ACTR3B: variants seen among roughly 807,000 people sequenced by gnomAD.
The protein encoded by ACTR3B is actin-related protein 3B.
In ACTR3B, 8 loss-of-function variants were observed where a neutral mutation model predicts 59.0. The observed-to-expected ratio is 0.14, with a 90% CI of 0.08 to 0.24. The LOEUF (loss-of-function observed/expected upper bound fraction) is 0.24, where lower values mean the gene tolerates loss of function less well. Ranked by LOEUF, ACTR3B falls within the 10% of genes least tolerant of loss-of-function variation. The pLI, the probability that ACTR3B is intolerant of heterozygous loss-of-function variation, is 1.00. For synonymous variants in ACTR3B, 148 were observed against 197.9 expected (o/e 0.75, Z 2.12); for missense variants, 245 against 552.3 (o/e 0.44, Z 5.58).
At chr7:152,848,697 GCTTTTAAGT>G (rs1798559293) in intron 9 of ACTR3B, among the ~76,000 whole-genome samples, 1 of 152,142 alleles carries the variant, frequency 6.6e-6, no homozygotes, top group Non-Finnish European at 1.5e-5. Context: ...ATACCAACAT[GCTTTTAAGT>G]TATGATTCTT....
At chr7:152,782,540 C>G (rs1006179995) in intron 1 of ACTR3B, among the ~76,000 whole-genome samples, 1 of 151,980 alleles carries the variant, frequency 6.6e-6, no homozygotes, top group Non-Finnish European at 1.5e-5. Context: ...AAAATGGGCT[C>G]CTTCTGAAAT....
At chr7:152,786,946 T>C (rs968307526) in intron 2 of ACTR3B, among the ~76,000 whole-genome samples, 1 of 152,238 alleles carries the variant, frequency 6.6e-6, no homozygotes, top group Non-Finnish European at 1.5e-5. Context: ...ACAGTTTTTT[T>C]CCTTTTGGGC....
At chr7:152,842,208 A>G (rs1214364763) in intron 9 of ACTR3B, among the ~76,000 whole-genome samples, 1 of 152,218 alleles carries the variant, frequency 6.6e-6, no homozygotes, top group Non-Finnish European at 1.5e-5. Flanking sequence ...TTTTTCCTGT[A>G]CATACATACT....
chr7:152,802,963 T>C (rs1056637980), intron 4 of ACTR3B, among the ~76,000 whole-genome samples: 1 of 152,240 alleles, frequency 6.6e-6, no homozygotes, highest in African/African-American at 2.4e-5. Flanking sequence ...CAGCTGAAAT[T>C]GCCAAGTATG....
chr7:152,837,181 AAAAC>A (rs751951232), intron 9 of ACTR3B, among the ~76,000 whole-genome samples: 8 of 152,366 alleles, frequency 5.3e-5, no homozygotes, highest in Non-Finnish European at 7.3e-5. Flanking sequence ...GTCTCAAAAA[AAAAC>A]AAACAAACCA....
intron 1 of ACTR3B, among the ~76,000 whole-genome samples, chr7:152,768,693 C>G (rs1425100901): frequency 1.3e-5 from 2 of 152,068 alleles, no homozygotes; most frequent in Admixed American, 6.6e-5. Context: ...CCAGGCTGGT[C>G]TCGAACCCCT....
chr7:152,761,978 C>T (rs2098090787), intron 1 of ACTR3B, among the ~76,000 whole-genome samples: 2 of 152,084 alleles, frequency 1.3e-5, no homozygotes, highest in African/African-American at 4.8e-5. Flanking sequence ...TTATGTAATT[C>T]CTGTCATCAG....
intron 4 of ACTR3B, among the ~76,000 whole-genome samples, chr7:152,809,634 C>T (rs186472307): frequency 0.012 from 1,789 of 151,982 alleles, 27 homozygotes; most frequent in African/African-American, 0.036. Flanking sequence ...CTCCGCCTCC[C>T]GGGTTCAAGC....
At position 152,764,858 on chromosome 7, in the gene ACTR3B, A is replaced by G. The variant is rs564260061; in HGVS notation, c.44+4932A>G. On this transcript the variant is annotated intron_variant, in intron 1 of 11. Coordinates refer to ENST00000256001, the MANE Select transcript of ACTR3B (RefSeq NM_020445.6). ...TCTTACAGACTCACCAATAGAGCCT[A>G]TTGCCAATTTGTAAAATTACCAACC... Among the ~76,000 whole-genome samples, 68 of 152,138 alleles carry G rather than the reference A, an allele frequency of 4.5e-4. 1 individual carries two copies. Among genetic ancestry groups the G allele is most frequent in the African/African-American group, 1.6e-3 (67 of 41,496 alleles).
chr7:152,810,742 A>C (rs1191598515), intron 4 of ACTR3B: 2 of 152,040 alleles, frequency 1.3e-5, no homozygotes, highest in Non-Finnish European at 2.9e-5. Context: ...TCTCTACTAA[A>C]AATACAAAAC....
chr7:152,803,209 T>A (rs529512774), intron 4 of ACTR3B, among the ~76,000 whole-genome samples: 161 of 152,284 alleles, frequency 1.1e-3, no homozygotes, highest in African/African-American at 3.7e-3. Context: ...CTAGCCTGGC[T>A]AATTTTTAAA....
intron 9 of ACTR3B, among the ~76,000 whole-genome samples, chr7:152,846,969 T>G (rs1191317645): frequency 6.8e-6 from 1 of 146,394 alleles, no homozygotes; most frequent in Admixed American, 6.8e-5. Context: ...GGCTGTAGTC[T>G]GCAGTGAGCC....
intron 2 of ACTR3B, among the ~76,000 whole-genome samples, chr7:152,794,244 AGTCTTGCTCTGTT>A (rs1318025368): frequency 6.6e-6 from 1 of 152,070 alleles, no homozygotes; most frequent in Non-Finnish European, 1.5e-5. Flanking sequence ...TTTTACACAG[AGTCTTGCTCTGTT>A]GCCAGGCTGG....
At chr7:152,808,116 G>T (rs1425044889) in intron 4 of ACTR3B, among the ~76,000 whole-genome samples, 3 of 151,984 alleles carry the variant, frequency 2.0e-5, no homozygotes, top group Admixed American at 2.0e-4. Flanking sequence ...TCATATAAAT[G>T]GAATCATATA....
intron 7 of ACTR3B, 63 bp from the exon 8 acceptor site, chr7:152,823,279 G>A (rs1796323116): frequency 6.3e-7 from 1 of 1,587,674 alleles, no homozygotes; most frequent in Non-Finnish European, 8.6e-7. Flanking sequence ...CTGGTTATTT[G>A]TCTGAGGGCA....
intron 1 of ACTR3B, among the ~76,000 whole-genome samples, chr7:152,768,924 G>T (rs200871491): frequency 2.6e-5 from 4 of 151,886 alleles, no homozygotes; most frequent in African/African-American, 9.7e-5. Context: ...CGTGATGTCG[G>T]CTCACTGCAA....
intron 9 of ACTR3B, among the ~76,000 whole-genome samples, chr7:152,837,175 CA>C (rs542897254): frequency 6.8e-6 from 1 of 146,460 alleles, no homozygotes; most frequent in Non-Finnish European, 1.5e-5. Context: ...GACCTTGTCT[CA>C]AAAAAAAACA....
chr7:152,766,785 T>G (rs1337392880), intron 1 of ACTR3B, among the ~76,000 whole-genome samples: 1 of 152,132 alleles, frequency 6.6e-6, no homozygotes, highest in Non-Finnish European at 1.5e-5. Context: ...TCTTTTCTTC[T>G]TTTTCTTTTC....
In ACTR3B at chr7:152,852,328, G is replaced by A. The variant is rs112613087; in HGVS notation, c.1077+77G>A. On this transcript the variant is annotated intron_variant, in intron 10 of 11. Coordinates refer to ENST00000256001, the MANE Select transcript of ACTR3B (RefSeq NM_020445.6). ...ACCGGGGCCCTCCTGACACAGAGCC[G>A]AAGGAGCTTGTCTGGGCCGCGTAAA... The A allele has an allele frequency of 8.7e-3, 13,077 of 1,505,160 alleles. 615 individuals are homozygous for A. In the African/African-American group the frequency reaches 0.12, roughly 13 times the overall value. 93.2% of individuals were successfully genotyped at this position (1,505,160 alleles called of 1,614,324 possible).
Sources: gnomAD v4.1 joint callset for allele counts (sites outside exome capture counted in the v4.1 genomes callset) on GRCh38, gnomAD v4.1.1 for gene constraint, MANE v1.5 for transcripts, NCBI Gene and HGNC (gene_info 2026-07-23, HGNC 2026-07-21) for gene names.